The following MRPL21 variants were observed in gnomAD, a reference collection of about 807,000 sequenced individuals.
MRPL21 encodes the protein mitochondrial ribosomal protein L21.
MRPL21 carries 20 observed loss-of-function variants against 27.3 expected under a neutral mutation model. The observed-to-expected ratio is 0.73, with a 90% CI of 0.52 to 1.06. MRPL21 has a LOEUF of 1.06. MRPL21 is among the 50% of genes least tolerant of loss of function. The pLI, the probability that MRPL21 is intolerant of heterozygous loss-of-function variation, is 0.00. For missense variants in MRPL21, 249 were observed against 251.4 expected (o/e 0.99, Z 0.06); for synonymous variants, 98 against 101.5 (o/e 0.97, Z 0.21).
intron 6 of MRPL21, 60 bp downstream of exon 6, chr11:68,892,830 G>A (rs749897684): frequency 7.0e-6 from 11 of 1,580,664 alleles, no homozygotes; most frequent in South Asian, 4.5e-5. Context: ...CCCTCCGTCC[G>A]CATGCGCCTG....
chr11:68,896,449 G>A lies in MRPL21; in HGVS notation c.396+66C>T, dbSNP rs1857789680. ...CGAGGGTCCCTCCTCCGTGTGAGCT[G>A]GGGCGTGGAGATTACATACTTGGTG... On this transcript the variant is annotated intron_variant, in intron 4 of 6. Transcript: ENST00000362034. 2.5e-6 allele frequency: 4 copies of A among 1,573,266 alleles called. No homozygotes were observed. The South Asian group carries it at 4.5e-5, about 18-fold the overall frequency.
At chr11:68,901,589 C>G (rs1224270221) in intron 1 of MRPL21, among the ~76,000 whole-genome samples, 1 of 152,214 alleles carries the variant, frequency 6.6e-6, no homozygotes, top group African/African-American at 2.4e-5. Context: ...ATTTGCATCT[C>G]CTCGGCTGCT....
chr11:68,892,124 C>T lies in MRPL21; in HGVS notation c.554-729G>A, dbSNP rs182391085. The T allele has an allele frequency of 7.4e-4, 700 of 943,608 alleles. 7 individuals are homozygous for T. The African/African-American group carries it at 0.014, about 19-fold the overall frequency. The allele number at this position is 943,608 out of a possible 1,614,324, so 58.5% of individuals were successfully genotyped here. On this transcript the variant is annotated intron_variant, in intron 6 of 6. Coordinates refer to ENST00000362034, the MANE Select transcript of MRPL21 (RefSeq NM_181514.2). Reference sequence around the variant, plus strand: ...GGAGAAGGGGAGCGAGGTGGGTTCACGCGCGGAGGGTGGAGGAGAAGGGGA... The same window carrying T: ...GGAGAAGGGGAGCGAGGTGGGTTCATGCGCGGAGGGTGGAGGAGAAGGGGA...
At chr11:68,898,960 G>A (rs535888511) in intron 2 of MRPL21, among the ~76,000 whole-genome samples, 1 of 152,294 alleles carries the variant, frequency 6.6e-6, no homozygotes, top group South Asian at 2.1e-4. Flanking sequence ...GCTAATTTTT[G>A]TATTTTTAGT....
At position 68,903,789 on chromosome 11, in the gene MRPL21, C is replaced by A. The variant is rs1344197380; in HGVS notation, c.22G>T (p.Val8Phe). 6.3e-7 allele frequency: 1 copy of A among 1,591,828 alleles called. No individual in the cohort carries two copies. Among genetic ancestry groups the A allele is most frequent in the Non-Finnish European group, 8.6e-7 (1 of 1,165,380 alleles). Residue 8 changes from valine (V) to phenylalanine (F), a missense_variant, in exon 1 of 7, where the codon GTC becomes TTC. Transcript: ENST00000362034. ...GCGGACGCCAGCCGCCCTAAGGTGA[C>A]CGTCAGGGAAGATGCTGCCATGGCC... MAASSLTVTLGRLASACS... is the reference protein window; with the variant it reads MAASSLTFTLGRLASACS...
At chr11:68,893,518 A>G (rs1030944745) in intron 4 of MRPL21, 63 bp from the exon 5 acceptor site, 8 of 1,603,134 alleles carry the variant, frequency 5.0e-6, no homozygotes, top group African/African-American at 2.7e-5. Flanking sequence ...ACAGTTGCTA[A>G]TAACAGGTAG....
rs1262157252 is a variant in MRPL21 at position 68,897,978 on chromosome 11, A to G, written c.181T>C (p.Trp61Arg). The change falls in exon 3 of 7, where the codon TGG becomes CGG. Residue 61 changes from tryptophan to arginine, a missense_variant. Transcript: ENST00000362034. ...GGGTCTGGCAGAACAACTTCTGGCC[A>G]AGGTGGTGAACTCAGGGATGTTTTA... Reference protein sequence around the residue: ...VPKTSLSSPPWPEVVLPDPVE... With the variant: ...VPKTSLSSPPRPEVVLPDPVE... 2 of 1,614,188 alleles carry G rather than the reference A, an allele frequency of 1.2e-6. No homozygotes were observed. The highest frequency in any genetic ancestry group is 8.5e-7 in the Non-Finnish European group (1 of 1,180,012).
intron 2 of MRPL21, among the ~76,000 whole-genome samples, chr11:68,899,330 T>C (rs1338196464): frequency 6.6e-6 from 1 of 152,156 alleles, no homozygotes; most frequent in East Asian, 1.9e-4. Flanking sequence ...CAGGGTTGCA[T>C]TAGGAGGAAG....
Position 68,903,795 on chromosome 11 carries a change from G to C in MRPL21, c.16C>G (p.Leu6Val). ...GCCAGCCGCCCTAAGGTGACCGTCA[G>C]GGAAGATGCTGCCATGGCCGCAGCC... MAASS[L>V]TVTLGRLASA... Residue 6 changes from leucine to valine, a missense_variant, in exon 1 of 7, where the codon CTG becomes GTG. Leu to Val is a conservative substitution (Grantham distance 32). Transcript: ENST00000362034. 6.6e-7 allele frequency: 1 copy of C among 1,514,402 alleles called. No homozygotes were observed. Among genetic ancestry groups the C allele is most frequent in the Non-Finnish European group, 9.0e-7 (1 of 1,107,858 alleles). 93.8% of individuals were successfully genotyped at this position (1,514,402 alleles called of 1,614,324 possible).
At chr11:68,902,110 G>A (rs942386022) in intron 1 of MRPL21, among the ~76,000 whole-genome samples, 1 of 152,228 alleles carries the variant, frequency 6.6e-6, no homozygotes, top group Non-Finnish European at 1.5e-5. Context: ...TAGAGACTGT[G>A]ACTGTGTACT....
chr11:68,902,325 C>T (rs910981971), intron 1 of MRPL21, among the ~76,000 whole-genome samples: 1 of 152,122 alleles, frequency 6.6e-6, no homozygotes, highest in Non-Finnish European at 1.5e-5. Flanking sequence ...CCTACTTAAA[C>T]CTAAGTTTTA....
intron 4 of MRPL21, among the ~76,000 whole-genome samples, chr11:68,895,607 G>C (rs543516359): frequency 6.6e-5 from 10 of 152,294 alleles, no homozygotes; most frequent in South Asian, 4.1e-4. Context: ...CCAAGACTGC[G>C]CCATTGCACT....
At chr11:68,894,712 T>C (rs1414706325) in intron 4 of MRPL21, among the ~76,000 whole-genome samples, 3 of 152,250 alleles carry the variant, frequency 2.0e-5, no homozygotes. Flanking sequence ...GCATGTTAGA[T>C]AGTGACAAAT....
intron 6 of MRPL21, chr11:68,891,748 G>A: frequency 1.9e-6 from 1 of 516,548 alleles, no homozygotes; most frequent in East Asian, 3.0e-5. Flanking sequence ...TACATGAGAG[G>A]CTCCCCTACC....
chr11:68,902,553 C>T (rs1003845595), intron 1 of MRPL21, among the ~76,000 whole-genome samples: 1 of 152,176 alleles, frequency 6.6e-6, no homozygotes, highest in Non-Finnish European at 1.5e-5. Flanking sequence ...ACAGAGAGTT[C>T]CCATATGTCC....
chr11:68,896,406 C>T, intron 4 of MRPL21, 109 bp downstream of exon 4: 1 of 1,382,900 alleles, frequency 7.2e-7, no homozygotes, highest in South Asian at 1.3e-5. Flanking sequence ...TGTTGGCCTC[C>T]ACCTGAGACG....
At chr11:68,892,666 G>A (rs1857675461) in intron 6 of MRPL21, 6 of 1,490,188 alleles carry the variant, frequency 4.0e-6, no homozygotes, top group Non-Finnish European at 5.3e-6. Flanking sequence ...GAGGAGAAGG[G>A]GAGCGAGGTG....
intron 2 of MRPL21, 129 bp downstream of exon 2, chr11:68,900,419 C>G (rs1416994037): frequency 1.1e-6 from 1 of 922,258 alleles, no homozygotes; most frequent in African/African-American, 1.7e-5. Flanking sequence ...TAGTGAAACT[C>G]TGTCTCTTAA....
At chr11:68,899,176 C>T (rs1247441435) in intron 2 of MRPL21, among the ~76,000 whole-genome samples, 3 of 152,028 alleles carry the variant, frequency 2.0e-5, no homozygotes, top group Non-Finnish European at 1.5e-5. Context: ...AAGAGGGGGG[C>T]CTAGATTCAA....
Sources: allele counts gnomAD v4.1 joint callset (sites outside exome capture counted in the v4.1 genomes callset), GRCh38; gene constraint gnomAD v4.1.1; transcripts MANE v1.5; gene names NCBI Gene and HGNC (gene_info 2026-07-23, HGNC 2026-07-21).